Variants in KITLG observed in about 807,000 individuals in gnomAD.
The protein encoded by KITLG is KIT ligand, also known as c-Kit ligand.
In KITLG, 13 loss-of-function variants were observed where a neutral mutation model predicts 34.1. That is an observed-to-expected ratio of 0.38 (90% confidence interval 0.25 to 0.61). KITLG has a LOEUF of 0.61. Among genes scored for constraint, KITLG ranks in the 20% least tolerant of loss-of-function variants. KITLG has a pLI of 0.60. For synonymous variants in KITLG, 110 were observed against 104.0 expected, an observed-to-expected ratio of 1.06 and a Z score of -0.35; for missense variants, 292 against 318.9, an observed-to-expected ratio of 0.92 and a Z score of 0.64.
intron 6 of KITLG, among the ~76,000 whole-genome samples, chr12:88,514,336 T>C (rs1869383286): frequency 6.6e-6 from 1 of 151,588 alleles, no homozygotes; most frequent in Non-Finnish European, 1.5e-5. Context: ...ATCAATGAAA[T>C]ATAAGCAGAG....
chr12:88,539,875 T>G (rs914028363), intron 2 of KITLG, among the ~76,000 whole-genome samples: 1 of 152,024 alleles, frequency 6.6e-6, no homozygotes, highest in South Asian at 2.1e-4. Flanking sequence ...CAGTGAGCCA[T>G]GATTGCACCA....
chr12:88,569,392 T>C (rs1871566661), intron 1 of KITLG, among the ~76,000 whole-genome samples: 1 of 152,180 alleles, frequency 6.6e-6, no homozygotes, highest in Non-Finnish European at 1.5e-5. Flanking sequence ...CTTGGATAAA[T>C]TGCTTCAACT....
intron 2 of KITLG, among the ~76,000 whole-genome samples, chr12:88,538,469 C>T (rs11104938): frequency 0.088 from 13,377 of 151,300 alleles, 625 homozygotes; most frequent in Non-Finnish European, 0.1. Context: ...GACTTACTTA[C>T]GTAAGTGGTG....
intron 6 of KITLG, among the ~76,000 whole-genome samples, chr12:88,510,998 T>C (rs1173265022): frequency 6.6e-6 from 1 of 152,188 alleles, no homozygotes; most frequent in Non-Finnish European, 1.5e-5. Context: ...TGTGCAGAGG[T>C]ATCTAAGTGG....
chr12:88,518,661 C>T (rs370439618), intron 4 of KITLG, 36 bp downstream of exon 4: 57 of 1,544,346 alleles, frequency 3.7e-5, no homozygotes, highest in African/African-American at 3.0e-4. Flanking sequence ...TTTAGAGAAG[C>T]GTAATGAAAA....
intron 1 of KITLG, among the ~76,000 whole-genome samples, chr12:88,575,575 A>G (rs1220215089): frequency 1.3e-5 from 2 of 152,212 alleles, no homozygotes; most frequent in African/African-American, 4.8e-5. Flanking sequence ...GGCTGCAGTC[A>G]ATTGTTTCTA....
chr12:88,554,236 G>A (rs928466917), intron 1 of KITLG, among the ~76,000 whole-genome samples: 5 of 151,984 alleles, frequency 3.3e-5, no homozygotes, highest in Non-Finnish European at 7.4e-5. Flanking sequence ...GAAACCAGAA[G>A]ATACCAATCC....
intron 1 of KITLG, among the ~76,000 whole-genome samples, chr12:88,563,233 A>G (rs1193858055): frequency 6.6e-6 from 1 of 152,218 alleles, no homozygotes; most frequent in Non-Finnish European, 1.5e-5. Flanking sequence ...AAGTGATGAC[A>G]TGGGTTAAGC....
intron 3 of KITLG, among the ~76,000 whole-genome samples, chr12:88,523,018 C>T (rs1869731274): frequency 6.6e-6 from 1 of 152,146 alleles, no homozygotes; most frequent in Non-Finnish European, 1.5e-5. Flanking sequence ...GGAGTATTCA[C>T]CCAGCCTTCT....
At chr12:88,497,865 A>C (rs1270033149) in intron 9 of KITLG, among the ~76,000 whole-genome samples, 1 of 152,184 alleles carries the variant, frequency 6.6e-6, no homozygotes. Context: ...CCAGCTGAGG[A>C]AATAGCAGCA....
chr12:88,501,628 G>T (rs1307913807), intron 9 of KITLG, among the ~76,000 whole-genome samples: 3 of 152,066 alleles, frequency 2.0e-5, no homozygotes, highest in Non-Finnish European at 4.4e-5. Context: ...GTCAATAGAT[G>T]ATTACAAATG....
Position 88,498,475 on chromosome 12 carries a change from G to T in KITLG, c.*38-1294C>A, listed in dbSNP as rs529356390. Reference sequence around the variant, plus strand: ...AAACTTCAGAAATCCAAAATATATAGAAGATATTTTAAAAGCATGGTTAGA... The same window carrying T: ...AAACTTCAGAAATCCAAAATATATATAAGATATTTTAAAAGCATGGTTAGA... On this transcript the variant is annotated intron_variant, in intron 9 of 9. Coordinates refer to ENST00000644744, the MANE Select transcript of KITLG (RefSeq NM_000899.5). Among the ~76,000 whole-genome samples, 9 of 152,148 alleles carry T rather than the reference G, an allele frequency of 5.9e-5. 1 individual carries two copies. Among genetic ancestry groups the T allele is most frequent in the Admixed American group, 5.9e-4 (9 of 15,278 alleles).
In KITLG at chr12:88,505,304, G is replaced by T. The variant is rs1869017140; in HGVS notation, c.783-69C>A. ...GATTCTGAGGTACACCATGATCTCGGCATTGTAAAAGGCAGCTTTTCTGTA... is the reference window on the plus strand; with the variant it reads ...GATTCTGAGGTACACCATGATCTCGTCATTGTAAAAGGCAGCTTTTCTGTA... On this transcript the variant is annotated intron_variant, in intron 8 of 9. Transcript: ENST00000644744. 3.1e-6 allele frequency: 4 copies of T among 1,289,544 alleles called. No individual in the cohort carries two copies. The South Asian group carries it at 3.6e-5, about 12-fold the overall frequency. 79.9% of individuals were successfully genotyped at this position (1,289,544 alleles called of 1,614,324 possible).
Position 88,572,338 on chromosome 12 carries a change from A to T in KITLG, c.15+7926T>A, listed in dbSNP as rs557252992. 3.4e-3 allele frequency among the ~76,000 whole-genome samples: 517 copies of T among 152,040 alleles called. 4 individuals carry two copies. Among genetic ancestry groups the T allele is most frequent in the African/African-American group, 0.012 (499 of 41,552 alleles). On this transcript the variant is annotated intron_variant, in intron 1 of 9. Coordinates refer to ENST00000644744, the MANE Select transcript of KITLG (RefSeq NM_000899.5). ...GAAGCTACTTATAATTTTAAATTAAAATTAGCTACAGTCATATGTGTATCT... is the reference window on the plus strand; with the variant it reads ...GAAGCTACTTATAATTTTAAATTAATATTAGCTACAGTCATATGTGTATCT...
chr12:88,571,051 A>T (rs886862953), intron 1 of KITLG, among the ~76,000 whole-genome samples: 3 of 152,202 alleles, frequency 2.0e-5, no homozygotes, highest in African/African-American at 7.2e-5. Context: ...GTCAAATAAG[A>T]TAGATAACGT....
intron 1 of KITLG, among the ~76,000 whole-genome samples, chr12:88,553,016 G>A (rs1592581144): frequency 6.6e-6 from 1 of 152,148 alleles, no homozygotes; most frequent in Non-Finnish European, 1.5e-5. Context: ...GCATCGGCTA[G>A]GAAACCAGAA....
At chr12:88,578,005 A>ATT (rs1566039315) in intron 1 of KITLG, among the ~76,000 whole-genome samples, 1 of 152,224 alleles carries the variant, frequency 6.6e-6, no homozygotes, top group African/African-American at 2.4e-5. Context: ...CTAAATATTA[A>ATT]TAGATATTCT....
At chr12:88,571,918 A>G (rs1018451854) in intron 1 of KITLG, among the ~76,000 whole-genome samples, 30 of 152,184 alleles carry the variant, frequency 2.0e-4, no homozygotes, top group Non-Finnish European at 4.0e-4. Context: ...ACCTTGTCTT[A>G]GTTTTCCTAT....
At position 88,539,768 on chromosome 12, in the gene KITLG, TA is replaced by T. The variant is rs370390232; in HGVS notation, c.129+5983del. ...GAGAGTCCATCTCAAGAAAAAAATT[TA>T]AAAAATTAGTCAGGTATGGTGGCAA... On this transcript the variant is annotated intron_variant, in intron 2 of 9. Coordinates refer to ENST00000644744, the MANE Select transcript of KITLG (RefSeq NM_000899.5). Among the ~76,000 whole-genome samples the T allele has an allele frequency of 1.3e-4, 19 of 151,898 alleles. No homozygotes were observed. The East Asian group carries it at 2.9e-3, about 23-fold the overall frequency.
Sources: gnomAD v4.1 joint callset for allele counts (sites outside exome capture counted in the v4.1 genomes callset) on GRCh38, gnomAD v4.1.1 for gene constraint, MANE v1.5 for transcripts, NCBI Gene and HGNC (gene_info 2026-07-23, HGNC 2026-07-21) for gene names.